ADAMTSL3: variants seen among roughly 807,000 people sequenced by gnomAD.
The protein encoded by ADAMTSL3 is ADAMTS like 3.
ADAMTSL3 carries 128 observed loss-of-function variants against 201.7 expected under a neutral mutation model. The observed-to-expected ratio is 0.63, with a 90% CI of 0.55 to 0.73. The LOEUF is 0.73. Among genes scored for constraint, ADAMTSL3 ranks in the 30% least tolerant of loss-of-function variants. The pLI is 0.00. For synonymous variants in ADAMTSL3, 738 were observed against 748.4 expected, an observed-to-expected ratio of 0.99 and a Z score of 0.23; for missense variants, 1,990 against 2,119.6, an observed-to-expected ratio of 0.94 and a Z score of 1.20.
intron 9 of ADAMTSL3, among the ~76,000 whole-genome samples, chr15:83,877,612 T>C (rs1472587110): frequency 1.3e-5 from 2 of 152,208 alleles, no homozygotes; most frequent in Non-Finnish European, 2.9e-5. Flanking sequence ...TGAAATCAGC[T>C]TGTCTGTTTT....
intron 7 of ADAMTSL3, among the ~76,000 whole-genome samples, chr15:83,845,012 A>G (rs2064465930): frequency 6.6e-6 from 1 of 152,086 alleles, no homozygotes; most frequent in African/African-American, 2.4e-5. Context: ...TTTCTGGGAG[A>G]TTCCAGAATG....
Position 83,802,233 on chromosome 15 carries a change from G to A in ADAMTSL3, c.318-2417G>A, listed in dbSNP as rs964196528. On this transcript the variant is annotated intron_variant, in intron 4 of 29. Transcript: ENST00000286744. ...GAAAAATTCATATTATGAAAGGACTGGGATTTGTTTTAAAATACTTCTAAA... is the reference window on the plus strand; with the variant it reads ...GAAAAATTCATATTATGAAAGGACTAGGATTTGTTTTAAAATACTTCTAAA... 2.6e-5 allele frequency among the ~76,000 whole-genome samples: 4 copies of A among 152,200 alleles called. No individual in the cohort carries two copies. The East Asian group carries it at 5.8e-4, about 22-fold the overall frequency.
chr15:83,948,494 A>G (rs17370601), intron 19 of ADAMTSL3, among the ~76,000 whole-genome samples: 35,527 of 151,776 alleles, frequency 0.23, 4,815 homozygotes, highest in East Asian at 0.32. Flanking sequence ...CTTAGGATGG[A>G]AGTGCCCTCA....
rs767198039 is a variant in ADAMTSL3, at chr15:83,934,357, G to T, written c.2118-8239G>T. Among the ~76,000 whole-genome samples, 41 of 152,252 alleles carry T rather than the reference G, an allele frequency of 2.7e-4. 1 individual carries two copies. The Middle Eastern group carries it at 0.024, about 88-fold the overall frequency. On this transcript the variant is annotated intron_variant, in intron 17 of 29. Transcript: ENST00000286744. The stretch of plus-strand genomic sequence containing the variant: ...CATGGGCCCTGTAGCCCCTTCATTT[G>T]GGCCAATTTCTCCCATTTGGAATGG...
chr15:83,999,161 C>T (rs2067743407), intron 23 of ADAMTSL3, among the ~76,000 whole-genome samples: 2 of 152,184 alleles, frequency 1.3e-5, no homozygotes, highest in African/African-American at 2.4e-5. Context: ...TTCTCTAAGT[C>T]ATGGAATTTT....
intron 3 of ADAMTSL3, among the ~76,000 whole-genome samples, chr15:83,756,920 T>G (rs1162387976): frequency 6.6e-6 from 1 of 152,224 alleles, no homozygotes; most frequent in Non-Finnish European, 1.5e-5. Context: ...AATGATCTCC[T>G]TTGACTCCAT....
intron 2 of ADAMTSL3, among the ~76,000 whole-genome samples, chr15:83,680,729 A>G (rs891110822): frequency 2.0e-5 from 3 of 151,944 alleles, no homozygotes; most frequent in African/African-American, 7.2e-5. Flanking sequence ...TCTGTAATGT[A>G]ATTTCTGCTC....
chr15:83,673,369 G>T (rs2061352480), intron 2 of ADAMTSL3, among the ~76,000 whole-genome samples: 1 of 152,218 alleles, frequency 6.6e-6, no homozygotes, highest in East Asian at 1.9e-4. Context: ...CACAGAGCAA[G>T]ATAGATAATG....
intron 20 of ADAMTSL3, among the ~76,000 whole-genome samples, chr15:83,980,143 G>C (rs1202281824): frequency 6.6e-6 from 1 of 152,028 alleles, no homozygotes; most frequent in East Asian, 1.9e-4. Context: ...TACCAGTATG[G>C]ACATGGTCAG....
chr15:83,876,655 G>A (rs1004957914), intron 9 of ADAMTSL3, among the ~76,000 whole-genome samples: 2 of 151,982 alleles, frequency 1.3e-5, no homozygotes, highest in Non-Finnish European at 2.9e-5. Flanking sequence ...GTTTTGAGAT[G>A]CAGTCTTGCT....
intron 7 of ADAMTSL3, among the ~76,000 whole-genome samples, chr15:83,857,561 G>A (rs1369935791): frequency 1.3e-5 from 2 of 152,098 alleles, no homozygotes; most frequent in Admixed American, 1.3e-4. Flanking sequence ...GTACGGTTCA[G>A]TCTTTCCTTT....
At chr15:83,832,941 T>C (rs1330851243) in intron 6 of ADAMTSL3, among the ~76,000 whole-genome samples, 1 of 152,158 alleles carries the variant, frequency 6.6e-6, no homozygotes, top group Non-Finnish European at 1.5e-5. Flanking sequence ...GTTTGATTTG[T>C]CATTCATGTT....
intron 19 of ADAMTSL3, among the ~76,000 whole-genome samples, chr15:83,947,928 C>G (rs1041903885): frequency 2.0e-5 from 3 of 152,152 alleles, no homozygotes; most frequent in African/African-American, 7.2e-5. Context: ...CTCTCCCAAC[C>G]AGTTCTCCCC....
chr15:83,696,360 A>G (rs1319966268), intron 2 of ADAMTSL3, among the ~76,000 whole-genome samples: 1 of 152,186 alleles, frequency 6.6e-6, no homozygotes, highest in Non-Finnish European at 1.5e-5. Flanking sequence ...GATTACAGGC[A>G]TGAGTCACCA....
At chr15:83,829,722 TTG>T (rs2064112699) in intron 6 of ADAMTSL3, among the ~76,000 whole-genome samples, 1 of 152,226 alleles carries the variant, frequency 6.6e-6, no homozygotes, top group South Asian at 2.1e-4. Flanking sequence ...TTCTGGTATG[TTG>T]TGTCTTTGTT....
intron 6 of ADAMTSL3, among the ~76,000 whole-genome samples, chr15:83,827,970 C>T (rs1476512003): frequency 1.3e-5 from 2 of 152,114 alleles, no homozygotes; most frequent in African/African-American, 2.4e-5. Context: ...CAGCTTTGTT[C>T]TTTTGGGTTA....
At chr15:83,802,627 A>G (rs1008083936) in intron 4 of ADAMTSL3, among the ~76,000 whole-genome samples, 3 of 152,232 alleles carry the variant, frequency 2.0e-5, no homozygotes, top group Non-Finnish European at 4.4e-5. Flanking sequence ...TTCCATTTAT[A>G]TAACATTTTG....
chr15:83,849,433 G>A (rs1398672032), intron 7 of ADAMTSL3, among the ~76,000 whole-genome samples: 5 of 152,124 alleles, frequency 3.3e-5, no homozygotes, highest in Admixed American at 6.5e-5. Context: ...GCCACCGTCC[G>A]CTGTGTTTTC....
intron 2 of ADAMTSL3, among the ~76,000 whole-genome samples, chr15:83,694,812 C>T (rs1195126639): frequency 6.6e-6 from 1 of 152,160 alleles, no homozygotes; most frequent in African/African-American, 2.4e-5. Flanking sequence ...GGCTTTCCTA[C>T]AAAAGATGTT....
Sources: gnomAD v4.1 joint callset for allele counts (sites outside exome capture counted in the v4.1 genomes callset) on GRCh38, gnomAD v4.1.1 for gene constraint, MANE v1.5 for transcripts, NCBI Gene and HGNC (gene_info 2026-07-23, HGNC 2026-07-21) for gene names.